Variants in GRM8 observed in about 807,000 individuals in gnomAD.
GRM8 encodes the protein metabotropic glutamate receptor 8.
A neutral mutation model predicts 87.2 loss-of-function variants in GRM8; 47 were observed. The observed-to-expected ratio is 0.54, with a 90% CI of 0.43 to 0.69. GRM8 has a LOEUF of 0.69. GRM8 is among the 30% of genes least tolerant of loss of function. The pLI is 0.00. For missense variants in GRM8, 1,019 were observed against 1,139.2 expected (o/e 0.89, Z 1.52); for synonymous variants, 396 against 404.5 (o/e 0.98, Z 0.25).
intron 3 of GRM8, among the ~76,000 whole-genome samples, chr7:127,008,114 T>A (rs1441615834): frequency 2.0e-5 from 3 of 151,948 alleles, no homozygotes; most frequent in African/African-American, 2.4e-5. Context: ...AGAGGTACAG[T>A]CTCTACCAGT....
rs3038867 is a variant in GRM8, at chr7:126,819,275, T to TACACACACACACACACACACAC, written c.1157-49232_1157-49211dup. On this transcript the variant is annotated intron_variant, in intron 6 of 10. Coordinates refer to ENST00000339582, the MANE Select transcript of GRM8 (RefSeq NM_000845.3). ...CCCTTCCTATTCAGACAGACACACA[T>TACACACACACACACACACACAC]ACACACACACACACACACACACGTG... is the stretch of plus-strand genomic sequence containing the variant. 5.1e-4 allele frequency among the ~76,000 whole-genome samples: 76 copies of TACACACACACACACACACACAC among 148,336 alleles called. 1 individual carries two copies. The highest frequency in any genetic ancestry group is 1.5e-3 in the South Asian group (7 of 4,640).
At chr7:126,488,549 C>G (rs960780576) in intron 9 of GRM8, among the ~76,000 whole-genome samples, 1 of 151,962 alleles carries the variant, frequency 6.6e-6, no homozygotes. Context: ...GTAAAACACA[C>G]CTTTTTCCCC....
At chr7:126,946,557 G>A (rs935088616) in intron 3 of GRM8, among the ~76,000 whole-genome samples, 3 of 152,104 alleles carry the variant, frequency 2.0e-5, no homozygotes, top group African/African-American at 7.2e-5. Context: ...GAAAGACCAG[G>A]ACTTGCCAGC....
rs1439482005 is a variant in GRM8 at position 127,031,725 on chromosome 7, A to G, written c.727+74771T>C. Among the ~76,000 whole-genome samples the G allele has an allele frequency of 2.0e-5, 3 of 152,140 alleles. No homozygotes were observed. The East Asian group carries it at 5.8e-4, about 29-fold the overall frequency. On this transcript the variant is annotated intron_variant, in intron 3 of 10. Coordinates refer to ENST00000339582, the MANE Select transcript of GRM8 (RefSeq NM_000845.3). ...ATCGAGTTATCTGCTAAAGCACTAA[A>G]AACTATCCTAACATCAATACTGTTG...
At chr7:127,118,565 A>G (rs1337182654) in intron 2 of GRM8, among the ~76,000 whole-genome samples, 1 of 152,216 alleles carries the variant, frequency 6.6e-6, no homozygotes, top group Non-Finnish European at 1.5e-5. Flanking sequence ...TTTTGCCAAC[A>G]TTTATTTAAC....
chr7:126,508,352 T>C (rs1259511363), intron 9 of GRM8, among the ~76,000 whole-genome samples: 12 of 151,920 alleles, frequency 7.9e-5, no homozygotes, highest in Non-Finnish European at 1.5e-5. Context: ...AAGGCCCTCT[T>C]GCTGTGTCAT....
intron 2 of GRM8, among the ~76,000 whole-genome samples, chr7:127,155,523 T>C (rs868126106): frequency 3.9e-5 from 6 of 152,190 alleles, no homozygotes; most frequent in African/African-American, 1.4e-4. Context: ...AATGTCTTTC[T>C]AAACCATCAA....
At chr7:126,492,032 T>C (rs1808076618) in intron 9 of GRM8, among the ~76,000 whole-genome samples, 1 of 152,050 alleles carries the variant, frequency 6.6e-6, no homozygotes, top group Admixed American at 6.6e-5. Flanking sequence ...AAAAATTCAA[T>C]GATTACATAA....
At chr7:126,743,117 A>T (rs1026074115) in intron 7 of GRM8, among the ~76,000 whole-genome samples, 1 of 152,140 alleles carries the variant, frequency 6.6e-6, no homozygotes, top group South Asian at 2.1e-4. Context: ...TATGGTATAT[A>T]CTAAATGAAA....
chr7:127,045,507 ATCTATCCTGTAACTGTAT>A (rs1347034777), intron 3 of GRM8, among the ~76,000 whole-genome samples: 1 of 152,050 alleles, frequency 6.6e-6, no homozygotes, highest in Non-Finnish European at 1.5e-5. Context: ...ATATCTACCT[ATCTATCCTGTAACTGTAT>A]TCTACATACA....
At chr7:127,000,478 C>T (rs1256033405) in intron 3 of GRM8, among the ~76,000 whole-genome samples, 2 of 151,604 alleles carry the variant, frequency 1.3e-5, no homozygotes, top group African/African-American at 4.8e-5. Flanking sequence ...ACATTGCATG[C>T]CTGTATCAAA....
chr7:127,246,722 T>C (rs1004798314), intron 1 of GRM8, among the ~76,000 whole-genome samples: 2 of 152,192 alleles, frequency 1.3e-5, no homozygotes, highest in East Asian at 1.9e-4. Flanking sequence ...GTGCTCTGTT[T>C]CCTAAAAGGC....
At chr7:126,920,388 G>A (rs73228942) in intron 3 of GRM8, among the ~76,000 whole-genome samples, 3,214 of 152,136 alleles carry the variant, frequency 0.021, 46 homozygotes, top group Non-Finnish European at 0.032. Context: ...AAAAAAAAGA[G>A]GGGAAAAGAG....
intron 6 of GRM8, among the ~76,000 whole-genome samples, chr7:126,837,510 C>G (rs1337410895): frequency 6.6e-6 from 1 of 152,168 alleles, no homozygotes; most frequent in Non-Finnish European, 1.5e-5. Context: ...AGTGGACTTA[C>G]TGTCTAAGTT....
intron 8 of GRM8, among the ~76,000 whole-genome samples, chr7:126,546,687 A>G (rs1817195264): frequency 6.6e-6 from 1 of 152,204 alleles, no homozygotes; most frequent in African/African-American, 2.4e-5. Flanking sequence ...GACACTTAGA[A>G]TAAGGTAAAT....
At chr7:126,673,943 T>C (rs1806668230) in intron 7 of GRM8, among the ~76,000 whole-genome samples, 5 of 152,212 alleles carry the variant, frequency 3.3e-5, no homozygotes, top group Admixed American at 3.3e-4. Flanking sequence ...TCACTGATAC[T>C]GCACACTGAC....
At chr7:126,542,661 C>G (rs973075291) in intron 8 of GRM8, among the ~76,000 whole-genome samples, 3 of 152,108 alleles carry the variant, frequency 2.0e-5, no homozygotes. Context: ...CAGTCAGTGA[C>G]CATATAACGA....
At chr7:126,954,530 T>C (rs1348644703) in intron 3 of GRM8, among the ~76,000 whole-genome samples, 1 of 152,194 alleles carries the variant, frequency 6.6e-6, no homozygotes, top group Admixed American at 6.5e-5. Flanking sequence ...CTAACCTGTA[T>C]TTTAATTGGT....
Position 127,130,811 on chromosome 7 carries a change from G to C in GRM8, c.511-24099C>G, listed in dbSNP as rs532586694. On this transcript the variant is annotated intron_variant, in intron 2 of 10. Transcript: ENST00000339582. The stretch of plus-strand genomic sequence containing the variant: ...CCACATGCTGTTTTTATGATAGTGA[G>C]AGAGTTCTCATGAGATCTGATGGCT... Among the ~76,000 whole-genome samples the C allele has an allele frequency of 2.6e-5, 4 of 152,232 alleles. No homozygotes were observed. The South Asian group carries it at 8.3e-4, about 32-fold the overall frequency.
Sources: gnomAD v4.1 joint callset for allele counts (sites outside exome capture counted in the v4.1 genomes callset) on GRCh38, gnomAD v4.1.1 for gene constraint, MANE v1.5 for transcripts, NCBI Gene and HGNC (gene_info 2026-07-23, HGNC 2026-07-21) for gene names.